The following MACROH2A2 variants were observed in gnomAD, a reference collection of about 807,000 sequenced individuals.
The protein encoded by MACROH2A2 is core histone macro-H2A.2.
MACROH2A2 carries 6 observed loss-of-function variants against 37.6 expected under a neutral mutation model. That is an observed-to-expected ratio of 0.16 (90% CI 0.09 to 0.32). MACROH2A2 has a LOEUF of 0.32. Among genes scored for constraint, MACROH2A2 ranks in the 10% least tolerant of loss-of-function variants. The pLI is 1.00. For missense variants in MACROH2A2, 290 were observed against 485.9 expected, an observed-to-expected ratio of 0.60 and a Z score of 3.79; for synonymous variants, 192 against 202.7, an observed-to-expected ratio of 0.95 and a Z score of 0.45.
chr10:70,106,802 C>CAAAA (rs56986649), intron 7 of MACROH2A2, among the ~76,000 whole-genome samples: 48 of 65,380 alleles, frequency 7.3e-4, no homozygotes, highest in African/African-American at 2.6e-3. Flanking sequence ...CATCCTGTCT[C>CAAAA]AAAAAAAAAA....
chr10:70,074,117 G>A (rs748484874), intron 1 of MACROH2A2, among the ~76,000 whole-genome samples: 2 of 152,010 alleles, frequency 1.3e-5, no homozygotes, highest in South Asian at 4.1e-4. Context: ...TGTCGGTTAC[G>A]GTACCCTGTC....
At chr10:70,109,740 C>T (rs573534920) in intron 8 of MACROH2A2, among the ~76,000 whole-genome samples, 1 of 152,110 alleles carries the variant, frequency 6.6e-6, no homozygotes, top group Non-Finnish European at 1.5e-5. Context: ...GCCAGGAGTT[C>T]GAGGCTTTGA....
chr10:70,065,166 C>T (rs2072072261), intron 1 of MACROH2A2, among the ~76,000 whole-genome samples: 1 of 152,010 alleles, frequency 6.6e-6, no homozygotes, highest in Non-Finnish European at 1.5e-5. Context: ...CCTGCCTCAG[C>T]CTCTCGAGTA....
chr10:70,096,968 T>G (rs2072280046), intron 6 of MACROH2A2, among the ~76,000 whole-genome samples: 1 of 152,250 alleles, frequency 6.6e-6, no homozygotes. Context: ...ATAGGTGTCC[T>G]GCCTCTCACT....
intron 7 of MACROH2A2, among the ~76,000 whole-genome samples, chr10:70,105,396 C>T (rs1219649280): frequency 2.6e-5 from 4 of 152,110 alleles, no homozygotes; most frequent in Non-Finnish European, 4.4e-5. Flanking sequence ...GGCAGAGGCC[C>T]GGAGAGAATG....
intron 7 of MACROH2A2, among the ~76,000 whole-genome samples, chr10:70,105,162 G>C (rs1012781301): frequency 1.3e-5 from 2 of 152,248 alleles, no homozygotes; most frequent in South Asian, 4.1e-4. Flanking sequence ...GCCAGTGACT[G>C]TGGCAGGAGC....
Position 70,087,288 on chromosome 10 carries a change from C to T in MACROH2A2, c.173-2772C>T, listed in dbSNP as rs574668924. Among the ~76,000 whole-genome samples, 14 of 149,246 alleles carry T rather than the reference C, an allele frequency of 9.4e-5. No individual in the cohort carries two copies. In the South Asian group the frequency reaches 2.2e-3, roughly 23 times the overall value. On this transcript the variant is annotated intron_variant, in intron 2 of 8. Transcript: ENST00000373255. ...TCACTATGTCACCCAGGCTGGAGTGCGGTGGCCCAGTCTCGGCTCACTGCA... is the reference window on the plus strand; with the variant it reads ...TCACTATGTCACCCAGGCTGGAGTGTGGTGGCCCAGTCTCGGCTCACTGCA...
chr10:70,066,906 AGTGCCATGTTTTTCATATGTTT>A, intron 1 of MACROH2A2, among the ~76,000 whole-genome samples: 1 of 152,074 alleles, frequency 6.6e-6, no homozygotes, highest in Non-Finnish European at 1.5e-5. Flanking sequence ...TGCCCTATTT[AGTGCCATGTTTTTCATATGTTT>A]GTGCTTTTTG....
intron 2 of MACROH2A2, among the ~76,000 whole-genome samples, chr10:70,080,052 G>T (rs1315137347): frequency 6.6e-6 from 1 of 152,162 alleles, no homozygotes; most frequent in African/African-American, 2.4e-5. Flanking sequence ...TGCAGAAGCG[G>T]GCAGATCACC....
intron 1 of MACROH2A2, among the ~76,000 whole-genome samples, chr10:70,061,510 G>C (rs2072049932): frequency 6.6e-6 from 1 of 152,124 alleles, no homozygotes; most frequent in African/African-American, 2.4e-5. Context: ...AATAACCACA[G>C]CTCAGGTTCA....
At chr10:70,072,686 G>C (rs988869449) in intron 1 of MACROH2A2, among the ~76,000 whole-genome samples, 3 of 152,100 alleles carry the variant, frequency 2.0e-5, no homozygotes, top group African/African-American at 7.2e-5. Flanking sequence ...GCCAGGTGTG[G>C]TGGCTCACAC....
chr10:70,054,996 C>T (rs907211622), intron 1 of MACROH2A2, among the ~76,000 whole-genome samples: 4 of 152,204 alleles, frequency 2.6e-5, no homozygotes, highest in South Asian at 2.1e-4. Flanking sequence ...GAATTTACCT[C>T]CTTGAATCCG....
chr10:70,056,866 C>T (rs572801752), intron 1 of MACROH2A2, among the ~76,000 whole-genome samples: 1 of 152,108 alleles, frequency 6.6e-6, no homozygotes, highest in Admixed American at 6.5e-5. Context: ...CTGTGACTAC[C>T]TTAAATTCTA....
intron 2 of MACROH2A2, among the ~76,000 whole-genome samples, chr10:70,083,685 C>T (rs1240230545): frequency 6.6e-6 from 1 of 151,522 alleles, no homozygotes; most frequent in Non-Finnish European, 1.5e-5. Context: ...CCCAGGTTCA[C>T]ATGTGATCAT....
chr10:70,106,802 CAAAAAAAAAAAA>C (rs56986649), intron 7 of MACROH2A2, among the ~76,000 whole-genome samples: 1 of 65,388 alleles, frequency 1.5e-5, no homozygotes, highest in African/African-American at 5.7e-5. Context: ...CATCCTGTCT[CAAAAAAAAAAAA>C]AAAAAAAAGA....
intron 7 of MACROH2A2, among the ~76,000 whole-genome samples, chr10:70,102,509 G>T (rs778956799): frequency 5.9e-5 from 9 of 152,114 alleles, no homozygotes; most frequent in Non-Finnish European, 1.2e-4. Context: ...ACGAGGACAG[G>T]AGTTCAAGAC....
chr10:70,056,623 T>C (rs747251668), intron 1 of MACROH2A2, among the ~76,000 whole-genome samples: 8 of 152,164 alleles, frequency 5.3e-5, no homozygotes, highest in Non-Finnish European at 8.8e-5. Flanking sequence ...GGGAGGGTGT[T>C]GGGCTAGGCT....
At chr10:70,094,364 C>G (rs2072262710) in intron 5 of MACROH2A2, among the ~76,000 whole-genome samples, 1 of 152,230 alleles carries the variant, frequency 6.6e-6, no homozygotes, top group South Asian at 2.1e-4. Flanking sequence ...TGCATTTGAA[C>G]AGTCTTCAGC....
At chr10:70,074,473 A>G (rs2072128508) in intron 1 of MACROH2A2, among the ~76,000 whole-genome samples, 1 of 152,214 alleles carries the variant, frequency 6.6e-6, no homozygotes, top group Non-Finnish European at 1.5e-5. Flanking sequence ...CAGGATTTAG[A>G]AAAGTGTCTA....
Sources: allele counts gnomAD v4.1 joint callset (sites outside exome capture counted in the v4.1 genomes callset), GRCh38; gene constraint gnomAD v4.1.1; transcripts MANE v1.5; gene names NCBI Gene and HGNC (gene_info 2026-07-23, HGNC 2026-07-21).